Variants in LRP5 observed in about 807,000 individuals in gnomAD.
The protein encoded by LRP5 is LDL receptor related protein 5, also known as low-density lipoprotein receptor-related protein 5.
A neutral mutation model predicts 154.1 loss-of-function variants in LRP5; 62 were observed. The observed-to-expected ratio is 0.40, with a 90% confidence interval of 0.33 to 0.50. LRP5 has a LOEUF of 0.50. LRP5 is among the 20% of genes least tolerant of loss of function. The pLI, the probability that LRP5 is intolerant of heterozygous loss-of-function variation, is 0.55. For synonymous variants in LRP5, 966 were observed against 1,011.5 expected (o/e 0.96, Z 0.85); for missense variants, 1,915 against 2,336.7 (o/e 0.82, Z 3.72).
intron 1 of LRP5, among the ~76,000 whole-genome samples, chr11:68,319,518 T>TTTATTA (rs34373911): frequency 0.036 from 5,498 of 151,736 alleles, 136 homozygotes; most frequent in Non-Finnish European, 0.055. Context: ...CCCAGCCTAT[T>TTTATTA]TTATTATTAT....
Position 68,407,013 on chromosome 11 carries a change from G to C in LRP5, c.2091+200G>C, listed in dbSNP as rs148842122. 0.016 allele frequency among the ~76,000 whole-genome samples: 2,470 copies of C among 152,164 alleles called. 28 individuals carry two copies. Among genetic ancestry groups the C allele is most frequent in the African/African-American group, 0.033 (1,380 of 41,516 alleles). ...GCAAGTCCGGTAGACACACATAAGG[G>C]CTTTTGTGAAATGCTTGTGTGAATG... On this transcript the variant is annotated intron_variant, in intron 9 of 22. Transcript: ENST00000294304.
Position 68,431,098 on chromosome 11 carries a change from T to C in LRP5, c.3763+1398T>C, listed in dbSNP as rs1237991878. On this transcript the variant is annotated intron_variant, in intron 17 of 22. Coordinates refer to ENST00000294304, the MANE Select transcript of LRP5 (RefSeq NM_002335.4). ...AGTGAAGCCTGTCCAGGGCTTTCTC[T>C]CCTATGCCCCCATGCCTCCAGGTGG... Among the ~76,000 whole-genome samples the C allele has an allele frequency of 2.6e-5, 4 of 152,150 alleles. No individual in the cohort carries two copies. The East Asian group carries it at 7.7e-4, about 29-fold the overall frequency.
At chr11:68,390,567 G>C (rs2098645714) in intron 7 of LRP5, among the ~76,000 whole-genome samples, 1 of 152,250 alleles carries the variant, frequency 6.6e-6, no homozygotes, top group African/African-American at 2.4e-5. Context: ...ATAGATGTCT[G>C]TTCTCCCTTT....
chr11:68,375,313 A>T (rs913784691), intron 5 of LRP5, among the ~76,000 whole-genome samples: 13 of 152,124 alleles, frequency 8.5e-5, no homozygotes, highest in African/African-American at 3.1e-4. Flanking sequence ...GCTGCCGCTC[A>T]CCTGCAGAGA....
In LRP5 at chr11:68,425,269, G is replaced by T. The variant is rs560826688; in HGVS notation, c.3404G>T (p.Arg1135Leu). ...TTCTGGGTGGACGCGGACCTGAAGC[G>T]CATTGAGAGCTGTGACCTGTCAGGT... is the stretch of plus-strand genomic sequence containing the variant. The part of the protein sequence containing the change: ...KLFWVDADLK[R>L]IESCDLSGAN... Residue 1135 changes from arginine (R) to leucine (L), a missense_variant, in exon 15 of 23, where the codon CGC becomes CTC. Transcript: ENST00000294304. 229 of 1,609,832 alleles carry T rather than the reference G, an allele frequency of 1.4e-4. 4 individuals carry two copies. The South Asian group carries it at 2.4e-3, about 17-fold the overall frequency.
intron 5 of LRP5, among the ~76,000 whole-genome samples, chr11:68,383,146 G>A (rs970716230): frequency 3.1e-4 from 47 of 152,224 alleles, no homozygotes; most frequent in African/African-American, 1.1e-3. Context: ...CCAAAGTGCT[G>A]GGATTACAAG....
At chr11:68,360,809 A>T (rs1384205055) in intron 3 of LRP5, among the ~76,000 whole-genome samples, 1 of 151,520 alleles carries the variant, frequency 6.6e-6, no homozygotes, top group Non-Finnish European at 1.5e-5. Flanking sequence ...CATCCTGGCT[A>T]ACACGGTGAA....
At chr11:68,407,950 G>T (rs190166340) in intron 9 of LRP5, among the ~76,000 whole-genome samples, 16 of 152,338 alleles carry the variant, frequency 1.1e-4, no homozygotes, top group Admixed American at 9.2e-4. Flanking sequence ...ATCTGTATGG[G>T]CTCTAAAGCC....
chr11:68,443,585 A>ATATTTTTTT (rs1259673892), intron 21 of LRP5, among the ~76,000 whole-genome samples: 1 of 24,850 alleles, frequency 4.0e-5, no homozygotes, highest in Admixed American at 7.7e-4. Flanking sequence ...ATATATATAT[A>ATATTTTTTT]TTTTTTTTTT....
At chr11:68,387,852 C>T (rs1044840757) in intron 6 of LRP5, among the ~76,000 whole-genome samples, 18 of 152,124 alleles carry the variant, frequency 1.2e-4, no homozygotes, top group African/African-American at 3.4e-4. Flanking sequence ...AGGTTCATGG[C>T]CCTGGGACCT....
At chr11:68,408,114 C>T (rs1190803720) in intron 9 of LRP5, among the ~76,000 whole-genome samples, 1 of 152,110 alleles carries the variant, frequency 6.6e-6, no homozygotes, top group East Asian at 1.9e-4. Flanking sequence ...TTCCCTCTGT[C>T]ACTCAGGCTG....
In LRP5 at chr11:68,438,593, G is replaced by A; in HGVS notation, c.4259G>A (p.Gly1420Glu). Residue 1420 changes from glycine to glutamate, a missense_variant, in exon 20 of 23, where the codon GGG becomes GAG. Gly to Glu is a moderately conservative substitution (Grantham distance 98). Coordinates refer to ENST00000294304, the MANE Select transcript of LRP5 (RefSeq NM_002335.4). ...VVCQRYAGAN[G>E]PFPHEYVSGT... is the part of the protein sequence containing the mutation. ...TGCCAGCGCTATGCGGGGGCCAACG[G>A]GCCCTTCCCGCACGAGTATGTCAGC... is the stretch of plus-strand genomic sequence containing the variant. 2 of 1,614,014 alleles carry A rather than the reference G, an allele frequency of 1.2e-6. No homozygotes were observed. The highest frequency in any genetic ancestry group is 2.2e-5 in the South Asian group (2 of 91,082).
chr11:68,357,817 T>C lies in LRP5; in HGVS notation c.656T>C (p.Ile219Thr). The change falls in exon 3 of 23, where the codon ATC becomes ACC. Residue 219 changes from isoleucine (I) to threonine (T), a missense_variant. Ile to Thr is a moderately conservative substitution (Grantham distance 89). Around this residue, in one of 3 missense-constraint regions of LRP5, gnomAD observed 773 missense variants for 1,100.9 expected, o/e 0.70. Transcript: ENST00000294304. The part of the protein sequence containing the change: ...LYWADAKLSF[I>T]HRANLDGSFR... Reference sequence around the variant, plus strand: ...TGGGCTGACGCCAAGCTCAGCTTCATCCACCGTGCCAACCTGGACGGCTCG... The same window carrying C: ...TGGGCTGACGCCAAGCTCAGCTTCACCCACCGTGCCAACCTGGACGGCTCG... 6.2e-7 allele frequency: 1 copy of C among 1,613,660 alleles called. No homozygotes were observed. The highest frequency in any genetic ancestry group is 8.5e-7 in the Non-Finnish European group (1 of 1,179,814).
In LRP5 at chr11:68,314,195, A is replaced by AG. The variant is rs3837373; in HGVS notation, c.91+1397dup. Among the ~76,000 whole-genome samples the AG allele has an allele frequency of 4.9e-4, 74 of 152,134 alleles. No homozygotes were observed. In the East Asian group the frequency reaches 8.1e-3, roughly 17 times the overall value. The stretch of plus-strand genomic sequence containing the variant: ...GTTTTGGGGAAACTGTTTGTTTTAA[A>AG]GGGGGGGTTTCTAGGCCGACCGCGT... On this transcript the variant is annotated intron_variant, in intron 1 of 22. Coordinates refer to ENST00000294304, the MANE Select transcript of LRP5 (RefSeq NM_002335.4).
chr11:68,390,168 T>C, intron 7 of LRP5, 116 bp downstream of exon 7: 2 of 1,263,472 alleles, frequency 1.6e-6, no homozygotes, highest in Middle Eastern at 2.0e-4. Context: ...TTTGGCCACA[T>C]GGAATGCTTG....
chr11:68,446,624 G>A, intron 22 of LRP5, 91 bp downstream of exon 22: 1 of 1,158,050 alleles, frequency 8.6e-7, no homozygotes. Context: ...ATGAGGGGAG[G>A]TATTCTGGGT....
At chr11:68,357,536 T>A (rs1312702677) in intron 2 of LRP5, 114 bp from the exon 3 acceptor site, 1 of 958,548 alleles carries the variant, frequency 1.0e-6, no homozygotes, top group Non-Finnish European at 1.6e-6. Flanking sequence ...TTATTTCCGA[T>A]GGGTGAGATT....
At chr11:68,444,707 C>T (rs1337994706) in intron 21 of LRP5, among the ~76,000 whole-genome samples, 2 of 151,904 alleles carry the variant, frequency 1.3e-5, no homozygotes, top group African/African-American at 4.8e-5. Context: ...CAGATTTGGG[C>T]AGAATCTCAA....
chr11:68,410,000 C>T lies in LRP5; in HGVS notation c.2178C>T (p.Asp726=), dbSNP rs2098658512. The part of the protein sequence containing the change: ...GLDYPEGMAV[D]WMGKNLYWAD... ...ACTACCCCGAGGGCATGGCCGTTGACTGGATGGGCAAGAACCTCTACTGGG... is the reference window on the plus strand; with the variant it reads ...ACTACCCCGAGGGCATGGCCGTTGATTGGATGGGCAAGAACCTCTACTGGG... The change falls in exon 10 of 23, where the codon GAC becomes GAT. Residue 726 remains aspartate, a synonymous_variant. Transcript: ENST00000294304. 2 of 1,614,152 alleles carry T rather than the reference C, an allele frequency of 1.2e-6. No individual in the cohort carries two copies. Among genetic ancestry groups the T allele is most frequent in the Non-Finnish European group, 8.5e-7 (1 of 1,180,038 alleles).
Sources: gnomAD v4.1 joint callset for allele counts (sites outside exome capture counted in the v4.1 genomes callset) on GRCh38, gnomAD v4.1.1 for gene constraint, gnomAD v4.1.1 regional missense constraint, MANE v1.5 for transcripts, NCBI Gene and HGNC (gene_info 2026-07-23, HGNC 2026-07-21) for gene names.